The following ADAMTS12 variants were observed in gnomAD, a reference collection of about 807,000 sequenced individuals.
ADAMTS12 encodes ADAM metallopeptidase with thrombospondin type 1 motif 12.
A neutral mutation model predicts 167.8 loss-of-function variants in ADAMTS12; 118 were observed. That is an observed-to-expected ratio of 0.70 (90% CI 0.61 to 0.82). The LOEUF (loss-of-function observed/expected upper bound fraction) is 0.82. Ranked by LOEUF, ADAMTS12 falls within the 40% of genes least tolerant of loss-of-function variation. The pLI, the probability that ADAMTS12 is intolerant of heterozygous loss-of-function variation, is 0.00. For missense variants in ADAMTS12, 1,916 were observed against 1,998.8 expected (o/e 0.96, Z 0.79); for synonymous variants, 704 against 716.9 (o/e 0.98, Z 0.29).
At chr5:33,663,296 G>A (rs1393288441) in intron 5 of ADAMTS12, among the ~76,000 whole-genome samples, 2 of 152,088 alleles carry the variant, frequency 1.3e-5, no homozygotes, top group Non-Finnish European at 2.9e-5. Flanking sequence ...TGAGGGAGTC[G>A]GCCTCCAATT....
intron 3 of ADAMTS12, among the ~76,000 whole-genome samples, chr5:33,719,726 G>A (rs1743742732): frequency 6.6e-6 from 1 of 152,200 alleles, no homozygotes. Flanking sequence ...TTTACTTGCT[G>A]GAACTTAAGT....
At chr5:33,535,721 T>C (rs988420212) in intron 22 of ADAMTS12, among the ~76,000 whole-genome samples, 5 of 152,142 alleles carry the variant, frequency 3.3e-5, no homozygotes, top group Admixed American at 3.3e-4. Context: ...TCGTGGTACT[T>C]CGGCCTGAAC....
intron 2 of ADAMTS12, among the ~76,000 whole-genome samples, chr5:33,875,986 T>C (rs747967458): frequency 4.6e-5 from 7 of 152,100 alleles, no homozygotes; most frequent in Non-Finnish European, 7.4e-5. Flanking sequence ...AAAGTAAACA[T>C]ACAAAAATTA....
chr5:33,829,443 CCTT>C (rs1225099497), intron 2 of ADAMTS12, among the ~76,000 whole-genome samples: 1 of 152,108 alleles, frequency 6.6e-6, no homozygotes, highest in Non-Finnish European at 1.5e-5. Flanking sequence ...TTCTTTCCAT[CCTT>C]CTTCTCTTCT....
rs999873732 is a variant in ADAMTS12, at chr5:33,528,585, T to G, written c.4607-1219A>C. 2.0e-5 allele frequency among the ~76,000 whole-genome samples: 3 copies of G among 152,186 alleles called. No homozygotes were observed. The East Asian group carries it at 5.8e-4, about 29-fold the overall frequency. ...CTAGCAGACAAGTATTTTTTCCATTTCACAAATGACGAAAGTAAGGCCTCA... is the reference window on the plus strand; with the variant it reads ...CTAGCAGACAAGTATTTTTTCCATTGCACAAATGACGAAAGTAAGGCCTCA... On this transcript the variant is annotated intron_variant, in intron 23 of 23. Coordinates refer to ENST00000504830, the MANE Select transcript of ADAMTS12 (RefSeq NM_030955.4).
chr5:33,528,888 T>C (rs1444544190), intron 23 of ADAMTS12, among the ~76,000 whole-genome samples: 1 of 151,960 alleles, frequency 6.6e-6, no homozygotes, highest in African/African-American at 2.4e-5. Flanking sequence ...CTACTAAAAA[T>C]ACAAAAAGTA....
chr5:33,544,470 C>A (rs1057444739), intron 22 of ADAMTS12, among the ~76,000 whole-genome samples: 1 of 152,172 alleles, frequency 6.6e-6, no homozygotes, highest in Admixed American at 6.5e-5. Context: ...CCATCCCCAT[C>A]AAGCTACCAA....
At chr5:33,541,296 A>G (rs190763008) in intron 22 of ADAMTS12, among the ~76,000 whole-genome samples, 1 of 152,356 alleles carries the variant, frequency 6.6e-6, no homozygotes, top group African/African-American at 2.4e-5. Context: ...AAAGAGTAAA[A>G]AGAAACAAAC....
intron 2 of ADAMTS12, among the ~76,000 whole-genome samples, chr5:33,786,524 T>A (rs1166245647): frequency 1.3e-5 from 2 of 151,802 alleles, no homozygotes; most frequent in Non-Finnish European, 2.9e-5. Context: ...AGTTGAAGAA[T>A]ACCATCTATT....
At chr5:33,716,396 G>A (rs1296327409) in intron 3 of ADAMTS12, among the ~76,000 whole-genome samples, 2 of 152,096 alleles carry the variant, frequency 1.3e-5, no homozygotes, top group Non-Finnish European at 1.5e-5. Flanking sequence ...ATGGACTAAA[G>A]ACACAAAATA....
chr5:33,774,492 C>A (rs765778185), intron 2 of ADAMTS12, among the ~76,000 whole-genome samples: 8 of 152,214 alleles, frequency 5.3e-5, no homozygotes, highest in South Asian at 2.1e-4. Flanking sequence ...TGGCTTCATA[C>A]AGAACATTGT....
chr5:33,665,457 C>T (rs1310419375), intron 5 of ADAMTS12, among the ~76,000 whole-genome samples: 1 of 152,096 alleles, frequency 6.6e-6, no homozygotes, highest in Non-Finnish European at 1.5e-5. Flanking sequence ...TTAGCCATTC[C>T]ACCGTGTACA....
intron 19 of ADAMTS12, among the ~76,000 whole-genome samples, chr5:33,572,750 G>C (rs1293753051): frequency 6.7e-6 from 1 of 148,360 alleles, no homozygotes; most frequent in Non-Finnish European, 1.5e-5. Flanking sequence ...TCTGGCCAGG[G>C]CAATTAGGCA....
intron 2 of ADAMTS12, among the ~76,000 whole-genome samples, chr5:33,830,715 C>G (rs1412730432): frequency 6.6e-6 from 1 of 151,962 alleles, no homozygotes. Flanking sequence ...CTGTTTGAGC[C>G]CAGGAGGTCA....
intron 14 of ADAMTS12, among the ~76,000 whole-genome samples, chr5:33,617,102 T>C (rs1382544768): frequency 6.6e-6 from 1 of 152,200 alleles, no homozygotes; most frequent in Non-Finnish European, 1.5e-5. Context: ...TCATCTAACT[T>C]CTTTGAATCT....
chr5:33,665,322 GGT>G (rs1741426321), intron 5 of ADAMTS12, among the ~76,000 whole-genome samples: 1 of 152,080 alleles, frequency 6.6e-6, no homozygotes, highest in South Asian at 2.1e-4. Flanking sequence ...TGTACAACAT[GGT>G]GACTGTCATT....
At position 33,576,733 on chromosome 5, in the gene ADAMTS12, C is replaced by T. The variant is rs1746747516; in HGVS notation, c.3293G>A (p.Ser1098Asn). The T allele has an allele frequency of 2.5e-6, 4 of 1,614,092 alleles. No individual in the cohort carries two copies. In the South Asian group the frequency reaches 4.4e-5, roughly 18 times the overall value. The change falls in exon 19 of 24, where the codon AGC becomes AAC. Residue 1098 changes from serine to asparagine, a missense_variant. Ser to Asn is a conservative substitution (Grantham distance 46). Transcript: ENST00000504830. ...SQPILTSQSL[S>N]IQPSEENVSS... Reference sequence around the variant, plus strand: ...AACATTTTCCTCACTTGGCTGAATGCTCAAGGATTGGGAAGTGAGGATGGG... The same window carrying T: ...AACATTTTCCTCACTTGGCTGAATGTTCAAGGATTGGGAAGTGAGGATGGG...
chr5:33,658,109 G>A, intron 7 of ADAMTS12, 75 bp downstream of exon 7: 4 of 1,545,420 alleles, frequency 2.6e-6, no homozygotes, highest in Non-Finnish European at 3.5e-6. Flanking sequence ...TTTGAGGTGT[G>A]TTCACCTCAA....
At position 33,750,916 on chromosome 5, in the gene ADAMTS12, T is replaced by C. The variant is rs138615546; in HGVS notation, c.634+488A>G. Among the ~76,000 whole-genome samples the C allele has an allele frequency of 2.4e-3, 360 of 152,338 alleles. 3 individuals are homozygous for C. The highest frequency in any genetic ancestry group is 8.2e-3 in the African/African-American group (342 of 41,592). ...CATCTGACAATGTGTTGATAATTTT[T>C]TTCAGTTTTTCTTCACACATTATTA... On this transcript the variant is annotated intron_variant, in intron 3 of 23. Transcript: ENST00000504830.
Sources: gnomAD v4.1 joint callset for allele counts (sites outside exome capture counted in the v4.1 genomes callset) on GRCh38, gnomAD v4.1.1 for gene constraint, MANE v1.5 for transcripts, NCBI Gene and HGNC (gene_info 2026-07-23, HGNC 2026-07-21) for gene names.